TMEM272: variants seen among roughly 807,000 people sequenced by gnomAD.
The protein encoded by TMEM272 is transmembrane protein 272, also known as long intergenic non-protein coding RNA 282.
Under a neutral mutation model 3.7 loss-of-function variants are expected in TMEM272, and 8 were observed. The observed-to-expected ratio is 2.17, with a 90% CI of 1.27 to 3.91. The LOEUF (loss-of-function observed/expected upper bound fraction) is 3.91, where lower values mean the gene tolerates loss of function less well. Ranked by LOEUF, TMEM272 falls within the 30% of genes most tolerant of loss-of-function variation. TMEM272 has a pLI of 0.00. For missense variants in TMEM272, 166 were observed against 91.5 expected, an observed-to-expected ratio of 1.81 and a Z score of -3.32; for synonymous variants, 63 against 39.8, an observed-to-expected ratio of 1.58 and a Z score of -2.20.
chr13:51,850,994 C>T, the TMEM272 span, among the ~76,000 whole-genome samples: 3 of 152,100 alleles, frequency 2.0e-5, no homozygotes, highest in African/African-American at 7.2e-5. Flanking sequence ...CATAATCCTT[C>T]CTCTGTAGGG....
chr13:51,848,966 T>TA, upstream of TMEM272, among the ~76,000 whole-genome samples: 2 of 152,322 alleles, frequency 1.3e-5, no homozygotes, highest in Admixed American at 1.3e-4. Context: ...GTTTCTATAT[T>TA]TACCATCTAT....
At chr13:51,821,668 C>CAAAAAAAAAAAAAAAAAA (rs386379191) in intron 4 of TMEM272, among the ~76,000 whole-genome samples, 1 of 28,522 alleles carries the variant, frequency 3.5e-5, no homozygotes, top group African/African-American at 8.9e-5. Context: ...TTTTTTTCCT[C>CAAAAAAAAAAAAAAAAAA]AAAAAAAAAA....
At chr13:51,852,393 T>C in the TMEM272 span, among the ~76,000 whole-genome samples, 56,988 of 152,162 alleles carry the variant, frequency 0.37, 11,952 homozygotes, top group East Asian at 0.86. Context: ...ACTGTGGATA[T>C]AGCAGTGAAC....
intron 4 of TMEM272, among the ~76,000 whole-genome samples, chr13:51,821,676 AAAAAAAAAAAAGCAAAAAAAAAAAAAGC>A (rs1205054701): frequency 4.4e-5 from 6 of 136,208 alleles, no homozygotes; most frequent in African/African-American, 1.7e-4. Context: ...CTCAAAAAAA[AAAAAAAAAAAAGCAAAAAAAAAAAAAGC>A]AGCAGCAGCA....
the TMEM272 span, among the ~76,000 whole-genome samples, chr13:51,876,740 CTTTG>C: frequency 6.6e-6 from 1 of 152,152 alleles, no homozygotes. Context: ...CATTAAAGGT[CTTTG>C]TTTGCTCACT....
the TMEM272 span, among the ~76,000 whole-genome samples, chr13:51,875,678 C>T: frequency 0.96 from 146,317 of 152,292 alleles, 70,306 homozygotes; most frequent in East Asian, 1. Context: ...AGGTTGCAGC[C>T]GTGCAATGGG....
chr13:51,882,390 T>C, the TMEM272 span, among the ~76,000 whole-genome samples: 1 of 152,258 alleles, frequency 6.6e-6, no homozygotes, highest in Non-Finnish European at 1.5e-5. Flanking sequence ...TGATCTTAAA[T>C]AGAATACTGA....
the TMEM272 span, chr13:51,865,618 G>A: frequency 6.2e-7 from 1 of 1,614,066 alleles, no homozygotes. Context: ...ATGCTTTCCG[G>A]GGCCAGATCC....
At chr13:51,827,217 A>C (rs115851446) in intron 2 of TMEM272, among the ~76,000 whole-genome samples, 1 of 152,174 alleles carries the variant, frequency 6.6e-6, no homozygotes, top group South Asian at 2.1e-4. Flanking sequence ...TCTTTCTGTT[A>C]ATGCCACCAA....
the TMEM272 span, among the ~76,000 whole-genome samples, chr13:51,921,926 G>T: frequency 1.3e-5 from 2 of 152,100 alleles, no homozygotes. Context: ...GTGTGTGTAT[G>T]TGTGTGTGTG....
the TMEM272 span, among the ~76,000 whole-genome samples, chr13:51,887,138 C>A: frequency 2.0e-5 from 3 of 152,126 alleles, no homozygotes; most frequent in African/African-American, 2.4e-5. Flanking sequence ...CTCTCCACTG[C>A]GGTAAGTCTC....
the TMEM272 span, among the ~76,000 whole-genome samples, chr13:51,904,688 G>T: frequency 1.3e-5 from 2 of 152,170 alleles, no homozygotes; most frequent in African/African-American, 2.4e-5. Context: ...ATGCTCAAAG[G>T]TCATGCTCAA....
upstream of TMEM272, among the ~76,000 whole-genome samples, chr13:51,845,364 T>C (rs890485469): frequency 2.6e-5 from 4 of 152,116 alleles, no homozygotes; most frequent in East Asian, 7.7e-4. Context: ...AACATTTCAT[T>C]TCAGTCCCTT....
chr13:51,852,880 CAAAAAA>C, the TMEM272 span, among the ~76,000 whole-genome samples: 1 of 110,742 alleles, frequency 9.0e-6, no homozygotes, highest in African/African-American at 3.1e-5. Flanking sequence ...AAAACTCCGT[CAAAAAA>C]AAAAAAAAAA....
chr13:51,844,208 A>ATATG (rs1427770146), intron 1 of TMEM272, among the ~76,000 whole-genome samples: 1 of 151,338 alleles, frequency 6.6e-6, no homozygotes, highest in African/African-American at 2.4e-5. Flanking sequence ...AAACATATAT[A>ATATG]TATGTATATA....
chr13:51,865,356 G>A, the TMEM272 span: 1 of 1,556,788 alleles, frequency 6.4e-7, no homozygotes, highest in Non-Finnish European at 8.7e-7. Context: ...ACCTGGACCT[G>A]GCCAAGGGTC....
chr13:51,889,893 G>A, the TMEM272 span, among the ~76,000 whole-genome samples: 1 of 152,086 alleles, frequency 6.6e-6, no homozygotes, highest in Non-Finnish European at 1.5e-5. Context: ...CGCCCACCTC[G>A]GCCCCCCAAA....
At chr13:51,902,112 C>T in the TMEM272 span, among the ~76,000 whole-genome samples, 3 of 152,166 alleles carry the variant, frequency 2.0e-5, no homozygotes, top group Non-Finnish European at 4.4e-5. Flanking sequence ...GAAGCCATTT[C>T]AGGGGTGAGG....
At chr13:51,827,332 C>T (rs941402699) in intron 2 of TMEM272, among the ~76,000 whole-genome samples, 2 of 152,186 alleles carry the variant, frequency 1.3e-5, no homozygotes, top group South Asian at 2.1e-4. Context: ...TGGGCAAATT[C>T]GTTGACATCC....
Sources: gnomAD v4.1 joint callset for allele counts (sites outside exome capture counted in the v4.1 genomes callset) on GRCh38, gnomAD v4.1.1 for gene constraint, MANE v1.5 for transcripts, NCBI Gene and HGNC (gene_info 2026-07-23, HGNC 2026-07-21) for gene names.